ZSWIM6: variants seen among roughly 807,000 people sequenced by gnomAD.
ZSWIM6 encodes zinc finger SWIM domain-containing protein 6.
ZSWIM6 carries 9 observed loss-of-function variants against 113.2 expected under a neutral mutation model. The ratio of observed to expected loss-of-function variants is 0.08; its 90% CI spans 0.05 to 0.14. The LOEUF (loss-of-function observed/expected upper bound fraction) is 0.14. Among genes scored for constraint, ZSWIM6 ranks in the 10% least tolerant of loss-of-function variants. ZSWIM6 has a pLI of 1.00. For synonymous variants in ZSWIM6, 611 were observed against 606.5 expected (o/e 1.01, Z -0.11); for missense variants, 1,162 against 1,552.2 (o/e 0.75, Z 4.22).
At chr5:61,452,548 A>G (rs952601485) in intron 1 of ZSWIM6, among the ~76,000 whole-genome samples, 1 of 152,194 alleles carries the variant, frequency 6.6e-6, no homozygotes, top group African/African-American at 2.4e-5. Context: ...TTTTGCCACA[A>G]CTAAGTAACC....
At chr5:61,432,906 C>T (rs1250664457) in intron 1 of ZSWIM6, among the ~76,000 whole-genome samples, 1 of 152,132 alleles carries the variant, frequency 6.6e-6, no homozygotes, top group Non-Finnish European at 1.5e-5. Flanking sequence ...TACCCTTACC[C>T]TCATATAATT....
At chr5:61,453,862 TG>T (rs140039282) in intron 1 of ZSWIM6, among the ~76,000 whole-genome samples, 24,594 of 151,068 alleles carry the variant, frequency 0.16, 2,188 homozygotes, top group Non-Finnish European at 0.2. Context: ...AATAAAATAT[TG>T]GGGGGGGGAA....
chr5:61,511,287 T>C (rs1349357978), intron 4 of ZSWIM6, among the ~76,000 whole-genome samples: 1 of 152,154 alleles, frequency 6.6e-6, no homozygotes, highest in Non-Finnish European at 1.5e-5. Flanking sequence ...ATTTTCTAAT[T>C]AGAGAAATGT....
chr5:61,542,542 G>A lies in ZSWIM6; in HGVS notation c.2785+577G>A, dbSNP rs115417229. Among the ~76,000 whole-genome samples the A allele has an allele frequency of 1.6e-3, 237 of 152,242 alleles. 1 individual carries two copies. The highest frequency in any genetic ancestry group is 5.4e-3 in the African/African-American group (226 of 41,562). On this transcript the variant is annotated intron_variant, in intron 13 of 13. Transcript: ENST00000252744. ...TATTTAAAATAAATAGTGGTTAAAC[G>A]TTCTTTTTTCATATTTGCATCAGAA...
chr5:61,386,004 G>A (rs1392686321), intron 1 of ZSWIM6, among the ~76,000 whole-genome samples: 1 of 152,172 alleles, frequency 6.6e-6, no homozygotes, highest in Non-Finnish European at 1.5e-5. Flanking sequence ...TGGAAACAGT[G>A]GCACTATTGC....
intron 1 of ZSWIM6, among the ~76,000 whole-genome samples, chr5:61,430,702 G>A (rs1468989815): frequency 1.3e-5 from 2 of 152,098 alleles, no homozygotes; most frequent in South Asian, 4.1e-4. Flanking sequence ...TTATAGTGAG[G>A]CATGATTGTA....
At chr5:61,337,553 C>T (rs1744429514) in intron 1 of ZSWIM6, among the ~76,000 whole-genome samples, 1 of 152,124 alleles carries the variant, frequency 6.6e-6, no homozygotes. Flanking sequence ...TGGAGTTAAC[C>T]TAAATTTCTA....
intron 1 of ZSWIM6, among the ~76,000 whole-genome samples, chr5:61,414,629 C>T (rs1301221364): frequency 2.0e-5 from 3 of 152,186 alleles, no homozygotes. Flanking sequence ...AGATGTCCGT[C>T]TCCTCTGTGG....
At chr5:61,538,750 C>G in intron 10 of ZSWIM6, 64 bp from the exon 11 acceptor site, 1 of 1,491,804 alleles carries the variant, frequency 6.7e-7, no homozygotes, top group Non-Finnish European at 9.0e-7. Context: ...GTTGGCCAGT[C>G]TTTCTGGCCA....
chr5:61,527,596 A>G (rs1221209028), intron 7 of ZSWIM6, among the ~76,000 whole-genome samples: 1 of 152,164 alleles, frequency 6.6e-6, no homozygotes, highest in African/African-American at 2.4e-5. Context: ...GGTGTGTGCA[A>G]AATACATTGC....
chr5:61,453,255 C>T (rs952734504), intron 1 of ZSWIM6, among the ~76,000 whole-genome samples: 5 of 152,062 alleles, frequency 3.3e-5, no homozygotes, highest in South Asian at 2.1e-4. Context: ...GTACAACGTG[C>T]TATTTTGAAG....
chr5:61,478,038 T>TG (rs35122772), intron 2 of ZSWIM6, among the ~76,000 whole-genome samples: 2 of 152,222 alleles, frequency 1.3e-5, no homozygotes, highest in Non-Finnish European at 2.9e-5. Flanking sequence ...TTATTGTAAT[T>TG]GGGCTTGCCT....
At chr5:61,493,052 G>T (rs1315731654) in intron 3 of ZSWIM6, among the ~76,000 whole-genome samples, 1 of 152,066 alleles carries the variant, frequency 6.6e-6, no homozygotes, top group Non-Finnish European at 1.5e-5. Flanking sequence ...CTGCAGAGAG[G>T]CTTACCCTTG....
At chr5:61,383,167 G>T (rs1433034246) in intron 1 of ZSWIM6, among the ~76,000 whole-genome samples, 1 of 152,172 alleles carries the variant, frequency 6.6e-6, no homozygotes, top group Non-Finnish European at 1.5e-5. Context: ...TAAGTTTATT[G>T]TATGTTTATT....
chr5:61,339,898 T>G (rs1440742591), intron 1 of ZSWIM6, among the ~76,000 whole-genome samples: 1 of 152,240 alleles, frequency 6.6e-6, no homozygotes, highest in Non-Finnish European at 1.5e-5. Context: ...ACGAACTGTT[T>G]CCCTCTTTAA....
intron 7 of ZSWIM6, among the ~76,000 whole-genome samples, chr5:61,528,527 G>A (rs1749345389): frequency 6.6e-6 from 1 of 151,494 alleles, no homozygotes; most frequent in Non-Finnish European, 1.5e-5. Flanking sequence ...TGAATATAAG[G>A]ACCTTTTCAA....
intron 4 of ZSWIM6, among the ~76,000 whole-genome samples, chr5:61,505,277 G>A (rs769906846): frequency 1.3e-5 from 2 of 152,082 alleles, no homozygotes; most frequent in African/African-American, 2.4e-5. Context: ...TTGCCTTTTT[G>A]TATCTCAAAA....
intron 1 of ZSWIM6, among the ~76,000 whole-genome samples, chr5:61,459,352 A>C (rs1747276366): frequency 6.6e-6 from 1 of 152,182 alleles, no homozygotes; most frequent in Non-Finnish European, 1.5e-5. Flanking sequence ...TGGGCTAATA[A>C]AATGGAATAT....
At chr5:61,532,987 G>T (rs1749480733) in intron 9 of ZSWIM6, among the ~76,000 whole-genome samples, 1 of 152,212 alleles carries the variant, frequency 6.6e-6, no homozygotes, top group Non-Finnish European at 1.5e-5. Flanking sequence ...TTAGAAAGAA[G>T]ATCTGTGATT....
Sources: allele counts gnomAD v4.1 joint callset (sites outside exome capture counted in the v4.1 genomes callset), GRCh38; gene constraint gnomAD v4.1.1; transcripts MANE v1.5; gene names NCBI Gene and HGNC (gene_info 2026-07-23, HGNC 2026-07-21).